NOL4L: variants seen among roughly 807,000 people sequenced by gnomAD.
NOL4L encodes nucleolar protein 4-like.
A neutral mutation model predicts 64.5 loss-of-function variants in NOL4L; 7 were observed. The ratio of observed to expected loss-of-function variants is 0.11; its 90% CI spans 0.06 to 0.20. NOL4L has a LOEUF of 0.20. Ranked by LOEUF, NOL4L falls within the 10% of genes least tolerant of loss-of-function variation. The pLI is 1.00. For synonymous variants in NOL4L, 413 were observed against 401.0 expected (o/e 1.03, Z -0.36); for missense variants, 680 against 967.1 (o/e 0.70, Z 3.94).
In NOL4L at chr20:32,447,395, T is replaced by G. The variant is rs1600607950; in HGVS notation, c.*201A>C. ...CAAGCAGGTCAGAGCACCCGTGTGGTGAGATTCCAAAAAAAAAAAAAAAAA... is the reference window on the plus strand; with the variant it reads ...CAAGCAGGTCAGAGCACCCGTGTGGGGAGATTCCAAAAAAAAAAAAAAAAA... On this transcript the variant is annotated 3_prime_UTR_variant, in exon 11 of 11. Coordinates refer to ENST00000621426, the MANE Select transcript of NOL4L (RefSeq NM_001256798.2). The G allele has an allele frequency of 7.3e-5, 38 of 521,346 alleles. No homozygotes were observed. The highest frequency in any genetic ancestry group is 1.0e-4 in the Non-Finnish European group (37 of 354,546). The allele number at this position is 521,346 out of a possible 1,614,324, so 32.3% of individuals were successfully genotyped here.
At chr20:32,454,627 C>G (rs1003627686) in intron 6 of NOL4L, among the ~76,000 whole-genome samples, 2 of 152,250 alleles carry the variant, frequency 1.3e-5, no homozygotes, top group African/African-American at 2.4e-5. Context: ...CTCGGGGCAC[C>G]GCTCTGGGAC....
intron 4 of NOL4L, among the ~76,000 whole-genome samples, chr20:32,482,637 G>T (rs1344946964): frequency 3.3e-5 from 5 of 151,576 alleles, no homozygotes; most frequent in Non-Finnish European, 7.4e-5. Flanking sequence ...CATTAAGGAA[G>T]GCCCCTTCGC....
intron 1 of NOL4L, among the ~76,000 whole-genome samples, chr20:32,541,139 A>G (rs2018648837): frequency 6.6e-6 from 1 of 152,124 alleles, no homozygotes; most frequent in South Asian, 2.1e-4. Flanking sequence ...AAATGGGGAT[A>G]CTAGCCCGTG....
At position 32,456,353 on chromosome 20, in the gene NOL4L, G is replaced by C. The variant is rs774276800; in HGVS notation, c.884C>G (p.Thr295Ser). ...GCTGCTCGACGTGGATGGGTTCAGG[G>C]TGGAGGAGCCATTGCCGCTGCCACT... Reference protein sequence around the residue: ...SESGSGNGSSTLNPSTSSSTQ... With the variant: ...SESGSGNGSSSLNPSTSSSTQ... Residue 295 changes from threonine (T) to serine (S), a missense_variant, in exon 6 of 11, where the codon ACC (threonine) becomes AGC (serine). Thr to Ser is a moderately conservative substitution (Grantham distance 58). This residue lies in a region of NOL4L where 254 missense variants were observed against 238.7 expected (regional missense o/e 1.06). Transcript: ENST00000621426. 2 of 1,485,878 alleles carry C rather than the reference G, an allele frequency of 1.3e-6. No homozygotes were observed. The highest frequency in any genetic ancestry group is 5.1e-5 in the East Asian group (2 of 39,370). The allele number at this position is 1,485,878 out of a possible 1,614,324, so 92.0% of individuals were successfully genotyped here. A position where few individuals can be genotyped will look rare whatever the true frequency, so the allele number is the denominator to read the frequency against.
At chr20:32,504,342 C>T (rs185162503) in intron 4 of NOL4L, among the ~76,000 whole-genome samples, 194 of 152,144 alleles carry the variant, frequency 1.3e-3, no homozygotes, top group Non-Finnish European at 2.2e-3. Context: ...GGGTAGATCA[C>T]GAGGTCAGTA....
At chr20:32,572,325 A>T (rs1047622300) in intron 1 of NOL4L, 8 of 152,204 alleles carry the variant, frequency 5.3e-5, no homozygotes, top group Non-Finnish European at 1.2e-4. Context: ...AGGGCCTGGC[A>T]CTTCCTAAGC....
Position 32,474,604 on chromosome 20 carries a change from C to A in NOL4L, c.838G>T (p.Asp280Tyr). The A allele has an allele frequency of 6.2e-7, 1 of 1,611,484 alleles. No homozygotes were observed. Among genetic ancestry groups the A allele is most frequent in the Non-Finnish European group, 8.5e-7 (1 of 1,178,996 alleles). The change falls in exon 5 of 11, where the codon GAC becomes TAC. Residue 280 changes from aspartate to tyrosine, a missense_variant. By Grantham distance (160) the Asp-to-Tyr change is radical. Transcript: ENST00000621426. Reference sequence around the variant, plus strand: ...ACTGCCACCAAGGGGCACTCACCGTCCTCTTGACTGTGGAGGTTCTGCGGG... The same window carrying A: ...ACTGCCACCAAGGGGCACTCACCGTACTCTTGACTGTGGAGGTTCTGCGGG... ...RSPQNLHSQE[D>Y]DDSSSESGSG...
At chr20:32,498,487 G>A (rs2016784030) in intron 4 of NOL4L, among the ~76,000 whole-genome samples, 1 of 151,832 alleles carries the variant, frequency 6.6e-6, no homozygotes, top group Non-Finnish European at 1.5e-5. Flanking sequence ...TTTTCACAGG[G>A]CATGGTGGCT....
chr20:32,521,206 A>G (rs933779471), intron 2 of NOL4L, among the ~76,000 whole-genome samples: 3 of 152,248 alleles, frequency 2.0e-5, no homozygotes, highest in Non-Finnish European at 4.4e-5. Flanking sequence ...CTAATAAGTA[A>G]CATTCCTCAG....
rs920497468 is a variant in NOL4L, at chr20:32,460,569, C to T, written c.842-4174G>A. 1.3e-5 allele frequency among the ~76,000 whole-genome samples: 2 copies of T among 152,210 alleles called. No homozygotes were observed. Among genetic ancestry groups the T allele is most frequent in the Admixed American group, 6.5e-5 (1 of 15,284 alleles). On this transcript the variant is annotated intron_variant, in intron 5 of 10. Transcript: ENST00000621426. The surrounding 1 kb of genome is among the most constrained non-coding windows in gnomAD (Gnocchi z 5.7). ...TTCCTTTCAGAGTGGGTCCCACAGC[C>T]GTAAAACACGGTTCTAAGGTGAGGA...
rs938792300 is a variant in NOL4L at position 32,488,846 on chromosome 20, T to C, written c.700-14104A>G. ...CTTTCTTTTTCTTTCTTTCTTTCTTTCTTTCTTTCTTTCTTTCTTTCTTTC... is the reference window on the plus strand; with the variant it reads ...CTTTCTTTTTCTTTCTTTCTTTCTTCCTTTCTTTCTTTCTTTCTTTCTTTC... On this transcript the variant is annotated intron_variant, in intron 4 of 10. Coordinates refer to ENST00000621426, the MANE Select transcript of NOL4L (RefSeq NM_001256798.2). 8.7e-3 allele frequency among the ~76,000 whole-genome samples: 788 copies of C among 90,980 alleles called. 25 individuals carry two copies. Among genetic ancestry groups the C allele is most frequent in the African/African-American group, 0.037 (485 of 13,016 alleles). 59.7% of individuals were successfully genotyped at this position (90,980 alleles called of 152,430 possible).
At chr20:32,546,441 TTTTA>T (rs998046396) in intron 1 of NOL4L, among the ~76,000 whole-genome samples, 6 of 152,076 alleles carry the variant, frequency 3.9e-5, no homozygotes, top group African/African-American at 1.4e-4. Flanking sequence ...TTCTCCATGT[TTTTA>T]TTTATTTATT....
chr20:32,554,122 C>T (rs1324745903), intron 1 of NOL4L, among the ~76,000 whole-genome samples: 2 of 152,000 alleles, frequency 1.3e-5, no homozygotes, highest in African/African-American at 2.4e-5. Flanking sequence ...AGATCGAGAC[C>T]ATCCTGGCTA....
chr20:32,573,535 G>C (rs989575311), intron 1 of NOL4L: 5 of 153,224 alleles, frequency 3.3e-5, no homozygotes, highest in Non-Finnish European at 5.8e-5. Context: ...CTTTCATTGA[G>C]GGCTTGACTG....
At position 32,488,811 on chromosome 20, in the gene NOL4L, T is replaced by G. The variant is rs999020364; in HGVS notation, c.700-14069A>C. Among the ~76,000 whole-genome samples the G allele has an allele frequency of 1.8e-4, 4 of 22,684 alleles. 2 individuals are homozygous for G. The highest frequency in any genetic ancestry group is 2.9e-4 in the Non-Finnish European group (4 of 14,000). The allele number at this position is 22,684 out of a possible 152,430, so 14.9% of individuals were successfully genotyped here. A position where few individuals can be genotyped will look rare whatever the true frequency, so the allele number is the denominator to read the frequency against. The stretch of plus-strand genomic sequence containing the variant: ...CCTTCCTTTCTTTCTTTCTTTTTCT[T>G]TCTTTCTTTCTTTCTTTTTCTTTCT... On this transcript the variant is annotated intron_variant, in intron 4 of 10. Transcript: ENST00000621426.
At chr20:32,457,005 C>T (rs1422055260) in intron 5 of NOL4L, among the ~76,000 whole-genome samples, 2 of 152,214 alleles carry the variant, frequency 1.3e-5, no homozygotes, top group Non-Finnish European at 2.9e-5. Context: ...ATCTGCGCTC[C>T]GTGCAGGCCC....
chr20:32,447,513 G>T lies in NOL4L; in HGVS notation c.*83C>A. On this transcript the variant is annotated 3_prime_UTR_variant, in exon 11 of 11. Transcript: ENST00000621426. The stretch of plus-strand genomic sequence containing the variant: ...ATCCCACCTCTTTCAAAAACAAAAT[G>T]TACCAACTGGTGAGGCAGGAAGCCA... 2 of 1,375,008 alleles carry T rather than the reference G, an allele frequency of 1.5e-6. No homozygotes were observed. The highest frequency in any genetic ancestry group is 1.9e-6 in the Non-Finnish European group (2 of 1,056,600). 85.2% of individuals were successfully genotyped at this position (1,375,008 alleles called of 1,614,324 possible). A position where few individuals can be genotyped will look rare whatever the true frequency, so the allele number is the denominator to read the frequency against.
chr20:32,481,889 C>G (rs2145495547), intron 4 of NOL4L, among the ~76,000 whole-genome samples: 1 of 149,252 alleles, frequency 6.7e-6, no homozygotes, highest in Admixed American at 6.8e-5. Context: ...GATGGCTCTC[C>G]CCAGAAGAGC....
chr20:32,576,083 C>T lies in NOL4L; in HGVS notation c.321+8487G>A, dbSNP rs192479881. On this transcript the variant is annotated intron_variant, in intron 1 of 10. Transcript: ENST00000621426. ...GCAGTGGGCAGCCAGGGCCAGATCG[C>T]GCAGGGCTCTGCAGGCTACTGGGAA... Among the ~76,000 whole-genome samples, 157 of 152,284 alleles carry T rather than the reference C, an allele frequency of 1.0e-3. 1 individual carries two copies. Among genetic ancestry groups the T allele is most frequent in the Middle Eastern group, 0.01 (3 of 294 alleles).
Sources: gnomAD v4.1 joint callset for allele counts (sites outside exome capture counted in the v4.1 genomes callset) on GRCh38, gnomAD v4.1.1 for gene constraint, gnomAD v4.1.1 regional missense constraint, Gnocchi (gnomAD v3.1) non-coding constraint, MANE v1.5 for transcripts, NCBI Gene and HGNC (gene_info 2026-07-23, HGNC 2026-07-21) for gene names.